RAB31: variants seen among roughly 807,000 people sequenced by gnomAD.
RAB31 encodes the protein RAB31, member RAS oncogene family.
Under a neutral mutation model 25.6 loss-of-function variants are expected in RAB31, and 21 were observed. The ratio of observed to expected loss-of-function variants is 0.82; its 90% CI spans 0.58 to 1.18. The LOEUF is 1.18. Ranked by LOEUF, RAB31 falls within the 50% of genes most tolerant of loss-of-function variation. RAB31 has a pLI of 0.00. For synonymous variants in RAB31, 87 were observed against 84.0 expected (o/e 1.04, Z -0.20); for missense variants, 196 against 250.1 (o/e 0.78, Z 1.46).
intron 5 of RAB31, among the ~76,000 whole-genome samples, chr18:9,831,383 A>G (rs1216176452): frequency 6.6e-6 from 1 of 152,200 alleles, no homozygotes; most frequent in Non-Finnish European, 1.5e-5. Context: ...CTGGCACAAG[A>G]AGCTGTTTCA....
intron 2 of RAB31, among the ~76,000 whole-genome samples, chr18:9,784,226 C>A (rs1299926469): frequency 6.6e-6 from 1 of 150,706 alleles, no homozygotes; most frequent in African/African-American, 2.4e-5. Flanking sequence ...TTTTGTAGAG[C>A]CAGGGGTCTT....
At chr18:9,731,344 A>G (rs1287951069) in intron 1 of RAB31, among the ~76,000 whole-genome samples, 1 of 152,172 alleles carries the variant, frequency 6.6e-6, no homozygotes, top group Non-Finnish European at 1.5e-5. Flanking sequence ...TTTGGACATT[A>G]AATAATTTAT....
intron 1 of RAB31, among the ~76,000 whole-genome samples, chr18:9,749,937 A>C (rs1253304918): frequency 1.3e-5 from 2 of 152,162 alleles, no homozygotes; most frequent in Non-Finnish European, 2.9e-5. Context: ...AAGAAAATTG[A>C]GCTCGTGACC....
chr18:9,830,413 T>C (rs17405578), intron 5 of RAB31: 5,938 of 152,306 alleles, frequency 0.039, 380 homozygotes, highest in African/African-American at 0.14. Flanking sequence ...AGCACTGAAG[T>C]TTCCACCTTC....
intron 3 of RAB31, among the ~76,000 whole-genome samples, chr18:9,811,994 C>G (rs1175776628): frequency 6.6e-6 from 1 of 152,198 alleles, no homozygotes; most frequent in Non-Finnish European, 1.5e-5. Flanking sequence ...AGTCCAAGAT[C>G]AAGGTGCTGG....
chr18:9,824,154 G>A (rs954025846), intron 5 of RAB31, among the ~76,000 whole-genome samples: 9 of 152,134 alleles, frequency 5.9e-5, no homozygotes, highest in African/African-American at 1.7e-4. Flanking sequence ...TTAACTGAGG[G>A]TTGTAGCAGG....
intron 2 of RAB31, chr18:9,787,206 TA>T (rs1389842690): frequency 1.5e-4 from 33 of 218,446 alleles, no homozygotes; most frequent in African/African-American, 6.7e-4. Context: ...GTATGGGACT[TA>T]CTTAATCTAT....
intron 1 of RAB31, among the ~76,000 whole-genome samples, chr18:9,768,195 T>C (rs9946716): frequency 0.067 from 10,231 of 152,304 alleles, 748 homozygotes; most frequent in African/African-American, 0.18. Context: ...AGTAGAATGA[T>C]TTATAATCCT....
chr18:9,797,735 C>T lies in RAB31; in HGVS notation c.201+5500C>T, dbSNP rs545326810. 2.3e-4 allele frequency among the ~76,000 whole-genome samples: 35 copies of T among 152,284 alleles called. 1 individual carries two copies. Among genetic ancestry groups the T allele is most frequent in the South Asian group, 1.2e-3 (6 of 4,826 alleles). ...GATGATCGTTCTTCAGATATCTCTACGTGATTGATAATTTTATATCAATGG... is the reference window on the plus strand; with the variant it reads ...GATGATCGTTCTTCAGATATCTCTATGTGATTGATAATTTTATATCAATGG... On this transcript the variant is annotated intron_variant, in intron 3 of 6. Coordinates refer to ENST00000578921, the MANE Select transcript of RAB31 (RefSeq NM_006868.4).
In RAB31 at chr18:9,816,205, G is replaced by A. The variant is rs72477242; in HGVS notation, c.380+983G>A. 1,158 of 137,878 alleles carry A rather than the reference G, an allele frequency of 8.4e-3. 161 individuals are homozygous for A. Among genetic ancestry groups the A allele is most frequent in the East Asian group, 0.068 (202 of 2,950 alleles). 8.5% of individuals were successfully genotyped at this position (137,878 alleles called of 1,614,324 possible). On this transcript the variant is annotated intron_variant, in intron 5 of 6. Coordinates refer to ENST00000578921, the MANE Select transcript of RAB31 (RefSeq NM_006868.4). Reference sequence around the variant, plus strand: ...CTTTGTTATGTCTGCCCTCAGTGTAGTAACTTAATTAATGGCCTTTCACTT... The same window carrying A: ...CTTTGTTATGTCTGCCCTCAGTGTAATAACTTAATTAATGGCCTTTCACTT...
intron 2 of RAB31, among the ~76,000 whole-genome samples, chr18:9,786,305 C>T (rs1360142003): frequency 6.6e-6 from 1 of 152,262 alleles, no homozygotes; most frequent in Non-Finnish European, 1.5e-5. Flanking sequence ...CTCTGTGCCC[C>T]TGTCTGCTTA....
chr18:9,710,518 A>G (rs1380400533), intron 1 of RAB31, among the ~76,000 whole-genome samples: 2 of 152,198 alleles, frequency 1.3e-5, no homozygotes, highest in Non-Finnish European at 2.9e-5. Flanking sequence ...ACCATGCCAA[A>G]GCAGAGAAAG....
intron 5 of RAB31, among the ~76,000 whole-genome samples, chr18:9,843,829 G>A (rs995550790): frequency 6.6e-5 from 10 of 152,122 alleles, no homozygotes; most frequent in African/African-American, 2.4e-4. Context: ...CCTTTAACAT[G>A]GTAGACCCTA....
intron 2 of RAB31, among the ~76,000 whole-genome samples, chr18:9,781,873 C>T (rs1159850892): frequency 2.0e-5 from 3 of 152,194 alleles, no homozygotes; most frequent in Non-Finnish European, 4.4e-5. Flanking sequence ...TGAGTGCTTT[C>T]CCAAAAGCTG....
chr18:9,733,414 C>T (rs548762790), intron 1 of RAB31, among the ~76,000 whole-genome samples: 1 of 152,260 alleles, frequency 6.6e-6, no homozygotes, highest in East Asian at 1.9e-4. Context: ...GTGGCTCCAG[C>T]ATTGCTTGCT....
chr18:9,807,884 G>T (rs563623380), intron 3 of RAB31, among the ~76,000 whole-genome samples: 16 of 152,288 alleles, frequency 1.1e-4, no homozygotes, highest in African/African-American at 3.6e-4. Flanking sequence ...AGGCTGAGAT[G>T]AGAGGATTAC....
chr18:9,722,784 A>T (rs922323118), intron 1 of RAB31: 3 of 152,238 alleles, frequency 2.0e-5, no homozygotes, highest in Admixed American at 1.3e-4. Flanking sequence ...GTGTCACAGT[A>T]TTGGCAGGAC....
intron 2 of RAB31, among the ~76,000 whole-genome samples, chr18:9,783,805 C>T (rs969292219): frequency 2.6e-5 from 4 of 152,022 alleles, no homozygotes; most frequent in African/African-American, 9.7e-5. Context: ...AAAATGCAAG[C>T]GAACAATAAA....
At chr18:9,790,537 C>A (rs1197821101) in intron 2 of RAB31, among the ~76,000 whole-genome samples, 1 of 152,130 alleles carries the variant, frequency 6.6e-6, no homozygotes, top group East Asian at 1.9e-4. Flanking sequence ...CACACCTGAC[C>A]AAATATATTT....
Sources: allele counts gnomAD v4.1 joint callset (sites outside exome capture counted in the v4.1 genomes callset), GRCh38; gene constraint gnomAD v4.1.1; transcripts MANE v1.5; gene names NCBI Gene and HGNC (gene_info 2026-07-23, HGNC 2026-07-21).